Variants in SLC25A21 observed in about 807,000 individuals in gnomAD.
SLC25A21 encodes the protein mitochondrial 2-oxodicarboxylate carrier.
Under a neutral mutation model 43.8 loss-of-function variants are expected in SLC25A21, and 47 were observed. That is an observed-to-expected ratio of 1.07 (90% CI 0.85 to 1.37). The LOEUF (loss-of-function observed/expected upper bound fraction) is 1.37, where lower values mean the gene tolerates loss of function less well. Ranked by LOEUF, SLC25A21 falls within the 40% of genes most tolerant of loss-of-function variation. The pLI, the probability that SLC25A21 is intolerant of heterozygous loss-of-function variation, is 0.00. For missense variants in SLC25A21, 352 were observed against 350.2 expected (o/e 1.00, Z -0.04); for synonymous variants, 131 against 121.3 (o/e 1.08, Z -0.52).
At chr14:36,696,709 G>T (rs926815339) in intron 7 of SLC25A21, among the ~76,000 whole-genome samples, 13 of 152,190 alleles carry the variant, frequency 8.5e-5, no homozygotes, top group Non-Finnish European at 1.6e-4. Context: ...GGTGTTTATA[G>T]TATTCTCTGA....
intron 1 of SLC25A21, among the ~76,000 whole-genome samples, chr14:37,127,606 C>G (rs892439599): frequency 6.6e-6 from 1 of 152,132 alleles, no homozygotes; most frequent in Non-Finnish European, 1.5e-5. Context: ...TCCAATTGTT[C>G]TTTCTTACTT....
At chr14:37,036,926 G>C (rs1243093626) in intron 1 of SLC25A21, among the ~76,000 whole-genome samples, 1 of 152,208 alleles carries the variant, frequency 6.6e-6, no homozygotes, top group Non-Finnish European at 1.5e-5. Flanking sequence ...CTGAAGCGGA[G>C]GATGCTGGCT....
At chr14:36,811,127 T>C (rs1888247658) in intron 3 of SLC25A21, among the ~76,000 whole-genome samples, 1 of 151,986 alleles carries the variant, frequency 6.6e-6, no homozygotes, top group African/African-American at 2.4e-5. Context: ...CAGATCTGAG[T>C]GTGAAGAAGG....
intron 1 of SLC25A21, among the ~76,000 whole-genome samples, chr14:36,893,895 A>C (rs1469490588): frequency 2.0e-5 from 3 of 151,972 alleles, no homozygotes; most frequent in South Asian, 4.2e-4. Context: ...TTCCATTGGT[A>C]TATATCTCTG....
At chr14:36,857,711 G>C (rs1396364741) in intron 2 of SLC25A21, among the ~76,000 whole-genome samples, 2 of 152,184 alleles carry the variant, frequency 1.3e-5, no homozygotes, top group Admixed American at 6.5e-5. Context: ...CAGTTTAAGG[G>C]TCAAATATTA....
At chr14:36,877,957 T>C (rs372040801) in intron 1 of SLC25A21, among the ~76,000 whole-genome samples, 1 of 152,152 alleles carries the variant, frequency 6.6e-6, no homozygotes, top group African/African-American at 2.4e-5. Flanking sequence ...TCCATGTTTA[T>C]TGAAGACATT....
chr14:36,796,112 C>G (rs1009788767), intron 3 of SLC25A21, among the ~76,000 whole-genome samples: 1 of 151,960 alleles, frequency 6.6e-6, no homozygotes, highest in African/African-American at 2.4e-5. Context: ...AAAAAGGGCC[C>G]ACAAGTCTCT....
At chr14:36,980,963 G>C (rs1440818001) in intron 1 of SLC25A21, among the ~76,000 whole-genome samples, 3 of 152,130 alleles carry the variant, frequency 2.0e-5, no homozygotes, top group East Asian at 1.9e-4. Flanking sequence ...CTAATATCCA[G>C]AATCTACAAA....
intron 3 of SLC25A21, among the ~76,000 whole-genome samples, chr14:36,740,785 A>G (rs2139239720): frequency 6.6e-6 from 1 of 152,262 alleles, no homozygotes; most frequent in East Asian, 1.9e-4. Flanking sequence ...ATGTAGAGCA[A>G]GGCAAACCCT....
At chr14:36,763,061 A>G (rs1416761827) in intron 3 of SLC25A21, among the ~76,000 whole-genome samples, 2 of 152,242 alleles carry the variant, frequency 1.3e-5, no homozygotes, top group Non-Finnish European at 2.9e-5. Flanking sequence ...CCTGCCTTAA[A>G]GCACGAAAAG....
At chr14:36,766,063 C>G (rs1886403253) in intron 3 of SLC25A21, among the ~76,000 whole-genome samples, 1 of 151,602 alleles carries the variant, frequency 6.6e-6, no homozygotes, top group Admixed American at 6.6e-5. Context: ...CATTTTTACA[C>G]ACCCCTCCCG....
At chr14:36,703,216 A>G (rs1322160022) in intron 7 of SLC25A21, among the ~76,000 whole-genome samples, 1 of 152,198 alleles carries the variant, frequency 6.6e-6, no homozygotes, top group East Asian at 1.9e-4. Flanking sequence ...CTTCTTTTCA[A>G]AATATAAACA....
chr14:36,813,801 G>C (rs1209967091), intron 3 of SLC25A21, 117 bp downstream of exon 3: 1 of 696,268 alleles, frequency 1.4e-6, no homozygotes, highest in African/African-American at 1.9e-5. Flanking sequence ...TAACAAAGTA[G>C]AAAGGTACCC....
intron 1 of SLC25A21, among the ~76,000 whole-genome samples, chr14:37,058,989 T>C (rs1961888313): frequency 2.0e-5 from 3 of 152,188 alleles, no homozygotes; most frequent in African/African-American, 7.2e-5. Context: ...CCTTTCCAGG[T>C]AGGAATCCCT....
At chr14:36,728,388 G>A (rs1356458502) in intron 5 of SLC25A21, among the ~76,000 whole-genome samples, 3 of 152,132 alleles carry the variant, frequency 2.0e-5, no homozygotes, top group African/African-American at 7.2e-5. Flanking sequence ...ATATTTTATT[G>A]TTTCTCACTA....
chr14:37,104,789 G>C (rs985360858), intron 1 of SLC25A21, among the ~76,000 whole-genome samples: 1 of 152,188 alleles, frequency 6.6e-6, no homozygotes, highest in South Asian at 2.1e-4. Context: ...CCTAAGCAAA[G>C]CTAACAAGAG....
At chr14:36,959,035 T>A (rs965560614) in intron 1 of SLC25A21, among the ~76,000 whole-genome samples, 1 of 152,182 alleles carries the variant, frequency 6.6e-6, no homozygotes, top group East Asian at 1.9e-4. Context: ...AGGAAAACAC[T>A]GGCGTGTGCT....
At chr14:36,704,798 G>A (rs1883437464) in intron 7 of SLC25A21, among the ~76,000 whole-genome samples, 1 of 152,130 alleles carries the variant, frequency 6.6e-6, no homozygotes, top group East Asian at 1.9e-4. Flanking sequence ...GGCTTCAGGT[G>A]AATTACTTCA....
intron 7 of SLC25A21, among the ~76,000 whole-genome samples, chr14:36,689,574 A>C (rs1419880367): frequency 6.6e-6 from 1 of 152,224 alleles, no homozygotes; most frequent in Admixed American, 6.5e-5. Context: ...AGGGGTTCTC[A>C]GGCAATCCAC....
Sources: gnomAD v4.1 joint callset for allele counts (sites outside exome capture counted in the v4.1 genomes callset) on GRCh38, gnomAD v4.1.1 for gene constraint, MANE v1.5 for transcripts, NCBI Gene and HGNC (gene_info 2026-07-23, HGNC 2026-07-21) for gene names.